SAMD12: variants seen among roughly 807,000 people sequenced by gnomAD.
SAMD12 encodes the protein sterile alpha motif domain containing 12, also known as sterile alpha motif domain-containing protein 12.
In SAMD12, 9 loss-of-function variants were observed where a neutral mutation model predicts 15.0. The observed-to-expected ratio is 0.60, with a 90% CI of 0.36 to 1.05. SAMD12 has a LOEUF of 1.05. SAMD12 is among the 50% of genes least tolerant of loss of function. SAMD12 has a pLI of 0.01. For synonymous variants in SAMD12, 86 were observed against 90.1 expected (o/e 0.96, Z 0.25); for missense variants, 230 against 234.2 (o/e 0.98, Z 0.12).
intron 4 of SAMD12, among the ~76,000 whole-genome samples, chr8:118,262,478 T>C (rs1346705597): frequency 6.6e-6 from 1 of 152,090 alleles, no homozygotes; most frequent in Non-Finnish European, 1.5e-5. Context: ...ACCCTGCACC[T>C]AATATATTAC....
intron 2 of SAMD12, among the ~76,000 whole-genome samples, chr8:118,487,608 A>G (rs76005779): frequency 0.055 from 8,428 of 152,312 alleles, 326 homozygotes; most frequent in Middle Eastern, 0.11. Context: ...CTTTAACCTA[A>G]TAAGTATTAT....
rs567124789 is a variant in SAMD12, at chr8:118,582,006, G to A, written c.14-1113C>T. The stretch of plus-strand genomic sequence containing the variant: ...CATTCTTCCCCTCCAGCCAGCTTCC[G>A]TGACTCAAAAAGTCCAACTCTCTAT... On this transcript the variant is annotated intron_variant, in intron 1 of 3. Coordinates refer to ENST00000314727, the MANE Select transcript of SAMD12 (RefSeq NM_207506.3). Among the ~76,000 whole-genome samples, 10 of 152,046 alleles carry A rather than the reference G, an allele frequency of 6.6e-5. No individual in the cohort carries two copies. The South Asian group carries it at 1.0e-3, about 16-fold the overall frequency.
At chr8:118,354,550 G>A (rs1818131380) in intron 4 of SAMD12, among the ~76,000 whole-genome samples, 1 of 152,104 alleles carries the variant, frequency 6.6e-6, no homozygotes, top group Admixed American at 6.5e-5. Context: ...CTGATGCTAT[G>A]CTCTTCAGTA....
At chr8:118,221,719 T>C (rs1378054518) in intron 4 of SAMD12, among the ~76,000 whole-genome samples, 2 of 152,090 alleles carry the variant, frequency 1.3e-5, no homozygotes, top group African/African-American at 4.8e-5. Flanking sequence ...TAGCAGAGGG[T>C]GTGCCACGGT....
chr8:118,422,081 G>T (rs1338092216), intron 3 of SAMD12, among the ~76,000 whole-genome samples: 9 of 152,224 alleles, frequency 5.9e-5, no homozygotes, highest in Non-Finnish European at 1.3e-4. Flanking sequence ...TCAGGAAACT[G>T]AAAGACTAAT....
chr8:118,403,038 C>T (rs907586599), intron 3 of SAMD12, among the ~76,000 whole-genome samples: 3 of 152,158 alleles, frequency 2.0e-5, no homozygotes, highest in Non-Finnish European at 2.9e-5. Context: ...CAAGAGTCTA[C>T]CCACACAGCC....
At chr8:118,306,932 A>G (rs921962205) in intron 4 of SAMD12, among the ~76,000 whole-genome samples, 3 of 152,178 alleles carry the variant, frequency 2.0e-5, no homozygotes, top group African/African-American at 7.2e-5. Flanking sequence ...TCCTTTTAAG[A>G]GCTTCTGCTT....
At chr8:118,475,894 T>C (rs1443990512) in intron 2 of SAMD12, among the ~76,000 whole-genome samples, 2 of 152,220 alleles carry the variant, frequency 1.3e-5, no homozygotes, top group African/African-American at 4.8e-5. Context: ...AAGGCACTGC[T>C]AGGATCTCAA....
chr8:118,607,441 G>A (rs1828011820), intron 1 of SAMD12, among the ~76,000 whole-genome samples: 1 of 152,096 alleles, frequency 6.6e-6, no homozygotes, highest in African/African-American at 2.4e-5. Flanking sequence ...TCTCCATGTT[G>A]GTCAGGCTGG....
intron 2 of SAMD12, among the ~76,000 whole-genome samples, chr8:118,529,226 A>G (rs932305235): frequency 6.6e-6 from 1 of 152,200 alleles, no homozygotes; most frequent in African/African-American, 2.4e-5. Context: ...CAGAGGCCTC[A>G]GCTGCGTTTC....
At chr8:118,580,484 C>A (rs949175051) in intron 2 of SAMD12, among the ~76,000 whole-genome samples, 1 of 152,150 alleles carries the variant, frequency 6.6e-6, no homozygotes, top group Non-Finnish European at 1.5e-5. Flanking sequence ...TTCTCTATAA[C>A]CTCAGAGCCT....
At chr8:118,187,171 T>C (rs545711343), downstream of SAMD12, among the ~76,000 whole-genome samples, 1 of 152,340 alleles carries the variant, frequency 6.6e-6, no homozygotes, top group East Asian at 1.9e-4. Flanking sequence ...GAAACAACTA[T>C]ATACAATTCT....
At chr8:118,468,817 G>A (rs1823672297) in intron 2 of SAMD12, among the ~76,000 whole-genome samples, 2 of 152,174 alleles carry the variant, frequency 1.3e-5, no homozygotes. Flanking sequence ...GCAGAGAAGG[G>A]AGGTACAAAA....
intron 1 of SAMD12, among the ~76,000 whole-genome samples, chr8:118,618,614 C>T (rs1252554717): frequency 3.3e-5 from 5 of 151,850 alleles, no homozygotes; most frequent in African/African-American, 1.2e-4. Context: ...CCGAGGCGGG[C>T]GGATCACGAG....
intron 4 of SAMD12, among the ~76,000 whole-genome samples, chr8:118,230,028 C>T (rs1291175079): frequency 1.3e-5 from 2 of 152,010 alleles, no homozygotes; most frequent in African/African-American, 4.8e-5. Context: ...CTGAGGGTTA[C>T]TGGCCTGGAA....
downstream of SAMD12, among the ~76,000 whole-genome samples, chr8:118,374,201 C>T (rs937506400): frequency 5.9e-5 from 9 of 152,058 alleles, no homozygotes; most frequent in African/African-American, 2.2e-4. Flanking sequence ...ATGATTTTGA[C>T]TATTTTAGAT....
At chr8:118,487,081 C>T (rs1483097306) in intron 2 of SAMD12, among the ~76,000 whole-genome samples, 11 of 152,102 alleles carry the variant, frequency 7.2e-5, no homozygotes, top group Non-Finnish European at 8.8e-5. Context: ...AGGGCAAAGA[C>T]GGGTGCAGAG....
chr8:118,167,861 G>A, the SAMD12 span, among the ~76,000 whole-genome samples: 1,730 of 152,218 alleles, frequency 0.011, 37 homozygotes, highest in African/African-American at 0.039. Flanking sequence ...TCAACTACAG[G>A]TGTGTTCTTG....
At chr8:118,365,523 A>G (rs1381681726) in intron 4 of SAMD12, among the ~76,000 whole-genome samples, 2 of 152,074 alleles carry the variant, frequency 1.3e-5, no homozygotes, top group Non-Finnish European at 2.9e-5. Flanking sequence ...TGGACACTGT[A>G]GCTACTGATT....
Sources: allele counts gnomAD v4.1 joint callset (sites outside exome capture counted in the v4.1 genomes callset), GRCh38; gene constraint gnomAD v4.1.1; transcripts MANE v1.5; gene names NCBI Gene and HGNC (gene_info 2026-07-23, HGNC 2026-07-21).